Variants in VGLL4 observed in about 807,000 individuals in gnomAD.
VGLL4 encodes the protein transcription cofactor vestigial-like protein 4.
A neutral mutation model predicts 21.0 loss-of-function variants in VGLL4; 7 were observed. That is an observed-to-expected ratio of 0.33 (90% confidence interval 0.19 to 0.63). VGLL4 has a LOEUF of 0.63. VGLL4 is among the 20% of genes least tolerant of loss of function. The pLI is 0.78. For synonymous variants in VGLL4, 222 were observed against 173.2 expected, an observed-to-expected ratio of 1.28 and a Z score of -2.21; for missense variants, 394 against 425.7, an observed-to-expected ratio of 0.93 and a Z score of 0.66.
intron 1 of VGLL4, among the ~76,000 whole-genome samples, chr3:11,630,047 G>C (rs1410880995): frequency 6.6e-6 from 1 of 152,142 alleles, no homozygotes; most frequent in African/African-American, 2.4e-5. Flanking sequence ...GCTGCCTGCT[G>C]GTTTCCATGG....
At chr3:11,566,773 G>A (rs1239606174) in intron 2 of VGLL4, among the ~76,000 whole-genome samples, 5 of 152,078 alleles carry the variant, frequency 3.3e-5, no homozygotes, top group Non-Finnish European at 4.4e-5. Context: ...ATCCCCCACC[G>A]TCAATGATCT....
At chr3:11,617,272 G>A (rs548797314) in intron 1 of VGLL4, among the ~76,000 whole-genome samples, 8 of 152,282 alleles carry the variant, frequency 5.3e-5, no homozygotes, top group Admixed American at 3.3e-4. Context: ...ATCTTTGTGC[G>A]AGAGCAATGG....
rs1435241750 is a variant in VGLL4, at chr3:11,653,432, TGAGTGGTA to T, written c.64+49531_64+49538del. Among the ~76,000 whole-genome samples the T allele has an allele frequency of 6.6e-6, 1 of 152,234 alleles. No homozygotes were observed. Among genetic ancestry groups the T allele is most frequent in the Non-Finnish European group, 1.5e-5 (1 of 68,028 alleles). On this transcript the variant is annotated intron_variant, in intron 2 of 5. Transcript: ENST00000273038. This position sits in a 1 kb window ranked among gnomAD's most constrained non-coding sequence, Gnocchi z 4.2. ...GGATTCCTTCACTCCACATATTTTA[TGAGTGGTA>T]GCATTATTTTTATGTGCAGTTGCAT...
At chr3:11,613,730 T>C (rs17833547) in intron 1 of VGLL4, among the ~76,000 whole-genome samples, 19,558 of 152,236 alleles carry the variant, frequency 0.13, 1,671 homozygotes, top group South Asian at 0.23. Flanking sequence ...TGCGAATCAA[T>C]GAGAATTCAT....
intron 2 of VGLL4, among the ~76,000 whole-genome samples, chr3:11,681,161 G>C (rs978941706): frequency 6.6e-6 from 1 of 152,154 alleles, no homozygotes. Flanking sequence ...GCAGTGGCGC[G>C]ATCTCCGCTC....
At position 11,568,854 on chromosome 3, in the gene VGLL4, C is replaced by A; in HGVS notation, c.273-3835G>T. On this transcript the variant is annotated intron_variant, in intron 2 of 4. Transcript: ENST00000430365. The surrounding 1 kb of genome is among the most constrained non-coding windows in gnomAD (Gnocchi z 5.9). ...GACTCTGAGTGGCTCCGTGCCAGGCCTATCAGAGCCGCTGAGGCTGCACGG... is the reference window on the plus strand; with the variant it reads ...GACTCTGAGTGGCTCCGTGCCAGGCATATCAGAGCCGCTGAGGCTGCACGG... 1.4e-6 allele frequency: 2 copies of A among 1,383,498 alleles called. No homozygotes were observed. The highest frequency in any genetic ancestry group is 2.8e-5 in the East Asian group (1 of 35,440). The allele number at this position is 1,383,498 out of a possible 1,614,324, so 85.7% of individuals were successfully genotyped here.
At chr3:11,615,518 G>A (rs562840587) in intron 1 of VGLL4, among the ~76,000 whole-genome samples, 2 of 152,304 alleles carry the variant, frequency 1.3e-5, no homozygotes, top group South Asian at 2.1e-4. Context: ...TCCCATCACT[G>A]GGGAAGCAGA....
At chr3:11,597,973 C>CTT (rs1235705244) in intron 2 of VGLL4, among the ~76,000 whole-genome samples, 1 of 152,158 alleles carries the variant, frequency 6.6e-6, no homozygotes, top group African/African-American at 2.4e-5. Context: ...GGAAACCTCT[C>CTT]TTTTTTTCCC....
intron 2 of VGLL4, among the ~76,000 whole-genome samples, chr3:11,575,322 G>A (rs2074006172): frequency 6.6e-6 from 1 of 152,172 alleles, no homozygotes; most frequent in South Asian, 2.1e-4. Context: ...TGCGCCAAGG[G>A]TTTCCAGTCA....
chr3:11,558,687 T>C lies in VGLL4; in HGVS notation c.760A>G (p.Thr254Ala). The C allele has an allele frequency of 1.2e-6, 2 of 1,613,888 alleles. No homozygotes were observed. Among genetic ancestry groups the C allele is most frequent in the Non-Finnish European group, 1.7e-6 (2 of 1,180,020 alleles). ...DDHFAKALGD[T>A]WLQIKAAKDG... ...TTGGCCGCTTTGATCTGGAGCCACG[T>C]GTCACCCAGAGCTTTGGCAAAGTGG... Residue 254 changes from threonine to alanine, a missense_variant, in exon 5 of 5, where the codon ACG (threonine) becomes GCG (alanine). Thr to Ala is a moderately conservative substitution (Grantham distance 58, BLOSUM62 0). Coordinates refer to ENST00000430365, the MANE Select transcript of VGLL4 (RefSeq NM_001128219.3).
chr3:11,692,503 G>T (rs1044300049), intron 2 of VGLL4, among the ~76,000 whole-genome samples: 3 of 152,156 alleles, frequency 2.0e-5, no homozygotes. Context: ...AACTGAAAGC[G>T]CCGACTTTTA....
At chr3:11,702,975 TTCG>T in exon 2 of VGLL4, 1 of 1,611,696 alleles carries the variant, frequency 6.2e-7, no homozygotes, top group Admixed American at 1.7e-5. Context: ...ACTTACGTTT[TTCG>T]TCATCAGCAT....
At chr3:11,661,465 CTATT>C (rs1248820773) in intron 2 of VGLL4, among the ~76,000 whole-genome samples, 15 of 37,834 alleles carry the variant, frequency 4.0e-4, no homozygotes, top group African/African-American at 1.1e-3. Context: ...ATTTATTTAT[CTATT>C]TATTTATTTA....
intron 1 of VGLL4, among the ~76,000 whole-genome samples, chr3:11,620,815 C>T (rs961945567): frequency 6.6e-6 from 1 of 152,192 alleles, no homozygotes; most frequent in Admixed American, 6.5e-5. Flanking sequence ...GTGCACATAT[C>T]ATGCTCTGTA....
intron 2 of VGLL4, among the ~76,000 whole-genome samples, chr3:11,670,431 T>C (rs879522686): frequency 2.0e-5 from 3 of 152,160 alleles, no homozygotes; most frequent in Non-Finnish European, 2.9e-5. Context: ...TCTCTAGAGA[T>C]GAGAGAACAT....
chr3:11,640,820 TAAGA>T, intron 1 of VGLL4, among the ~76,000 whole-genome samples: 1 of 152,056 alleles, frequency 6.6e-6, no homozygotes, highest in East Asian at 1.9e-4. Context: ...AAGAGAGGTT[TAAGA>T]AAGACAGTAC....
At chr3:11,608,106 T>C (rs1401573731) in intron 1 of VGLL4, among the ~76,000 whole-genome samples, 1 of 152,212 alleles carries the variant, frequency 6.6e-6, no homozygotes, top group Non-Finnish European at 1.5e-5. Context: ...TTCACAATGG[T>C]CTGGCAATTG....
chr3:11,616,123 C>G (rs2075157761), intron 1 of VGLL4, among the ~76,000 whole-genome samples: 1 of 152,060 alleles, frequency 6.6e-6, no homozygotes, highest in African/African-American at 2.4e-5. Context: ...CCAGCCTTAC[C>G]CATCTCTCTT....
chr3:11,662,536 T>C (rs1440818590), intron 2 of VGLL4, among the ~76,000 whole-genome samples: 1 of 152,232 alleles, frequency 6.6e-6, no homozygotes, highest in Non-Finnish European at 1.5e-5. Flanking sequence ...CACAATCCAA[T>C]GGCCAACTCA....
Sources: allele counts gnomAD v4.1 joint callset (sites outside exome capture counted in the v4.1 genomes callset), GRCh38; gene constraint gnomAD v4.1.1; non-coding constraint Gnocchi (gnomAD v3.1); transcripts MANE v1.5; gene names NCBI Gene and HGNC (gene_info 2026-07-23, HGNC 2026-07-21).